FRMPD4: variants seen among roughly 807,000 people sequenced by gnomAD.
FRMPD4 encodes the protein FERM and PDZ domain containing 4.
Under a neutral mutation model 94.1 loss-of-function variants are expected in FRMPD4, and 22 were observed. The observed-to-expected ratio is 0.23, with a 90% CI of 0.17 to 0.33. The LOEUF (loss-of-function observed/expected upper bound fraction) is 0.33, where lower values mean the gene tolerates loss of function less well. Among genes scored for constraint, FRMPD4 ranks in the 10% least tolerant of loss-of-function variants. The pLI is 1.00. For missense variants in FRMPD4, 1,111 were observed against 1,339.9 expected (o/e 0.83, Z 2.67); for synonymous variants, 631 against 548.6 (o/e 1.15, Z -2.10).
intron 1 of FRMPD4, among the ~76,000 whole-genome samples, chrX:12,445,648 C>T: frequency 8.9e-6 from 1 of 112,480 alleles, no homozygotes; most frequent in South Asian, 3.7e-4. Flanking sequence ...TTAAGTAATG[C>T]ATTCACGGTC....
rs973877489 is a variant in FRMPD4 at position 12,578,814 on chromosome X, A to G, written c.159-30907A>G. Among the ~76,000 whole-genome samples, 6 of 112,080 alleles carry G rather than the reference A, an allele frequency of 5.4e-5. 1 individual carries two copies. The highest frequency in any genetic ancestry group is 4.7e-4 in the Admixed American group (5 of 10,546). On this transcript the variant is annotated intron_variant, in intron 2 of 16. Transcript: ENST00000675598. The stretch of plus-strand genomic sequence containing the variant: ...TCCTTGTTGGAGCAATGCTGTCCCT[A>G]TTGAGAATGCATGATATATATATGT...
At chrX:12,310,336 T>C (rs2055012184) in intron 1 of FRMPD4, among the ~76,000 whole-genome samples, 1 of 110,746 alleles carries the variant, frequency 9.0e-6, no homozygotes, top group African/African-American at 3.3e-5. Context: ...TTCACTTCTT[T>C]TGTGGTGGAA....
At chrX:12,038,403 G>A (rs2054731584) in intron 3 of FRMPD4, among the ~76,000 whole-genome samples, 1 of 112,089 alleles carries the variant, frequency 8.9e-6, no homozygotes, top group African/African-American at 3.2e-5. Flanking sequence ...TATTTGAGTT[G>A]TAATCGTTCT....
chrX:12,691,404 T>A (rs2060079600), intron 8 of FRMPD4, among the ~76,000 whole-genome samples: 1 of 110,923 alleles, frequency 9.0e-6, no homozygotes, highest in Admixed American at 9.6e-5. Flanking sequence ...CACCTTAGCC[T>A]CCCAAAGTGC....
intron 2 of FRMPD4, among the ~76,000 whole-genome samples, chrX:12,599,219 A>G (rs1390617745): frequency 2.7e-5 from 3 of 111,425 alleles, no homozygotes; most frequent in Non-Finnish European, 5.6e-5. Context: ...ACAAACTCTC[A>G]GGCCTAAAAT....
intron 1 of FRMPD4, among the ~76,000 whole-genome samples, chrX:12,281,128 G>C (rs1364424015): frequency 8.9e-6 from 1 of 112,145 alleles, no homozygotes; most frequent in African/African-American, 3.2e-5. Flanking sequence ...CTTACTTTCA[G>C]TCGTGAGTGT....
chrX:12,585,127 A>C (rs749757342), intron 2 of FRMPD4, among the ~76,000 whole-genome samples: 1 of 111,183 alleles, frequency 9.0e-6, no homozygotes, highest in African/African-American at 3.3e-5. Context: ...TATATTGACC[A>C]GGCTGATCTC....
chrX:12,621,029 T>C (rs1362188790), intron 4 of FRMPD4, among the ~76,000 whole-genome samples: 1 of 111,207 alleles, frequency 9.0e-6, no homozygotes, highest in East Asian at 2.8e-4. Context: ...GAGATCAGCC[T>C]GGTCAACATG....
intron 3 of FRMPD4, among the ~76,000 whole-genome samples, chrX:12,053,140 C>T (rs1258391887): frequency 9.2e-6 from 1 of 109,095 alleles, no homozygotes; most frequent in Non-Finnish European, 1.9e-5. Context: ...GAGATCGAGA[C>T]CAGCCTGGCC....
intron 3 of FRMPD4, among the ~76,000 whole-genome samples, chrX:12,021,195 T>C (rs1405685073): frequency 8.9e-6 from 1 of 112,056 alleles, no homozygotes; most frequent in Non-Finnish European, 1.9e-5. Flanking sequence ...CTCAAACCTA[T>C]ATAAAAAATA....
chrX:12,681,143 G>C (rs2059967072), intron 5 of FRMPD4, among the ~76,000 whole-genome samples: 1 of 111,886 alleles, frequency 8.9e-6, no homozygotes, highest in Non-Finnish European at 1.9e-5. Context: ...CAATGCTGGA[G>C]AAGTGAGGTG....
intron 2 of FRMPD4, among the ~76,000 whole-genome samples, chrX:12,549,910 C>T (rs1249059570): frequency 3.6e-5 from 4 of 112,021 alleles, no homozygotes; most frequent in African/African-American, 1.3e-4. Context: ...CATTGGACAC[C>T]ATAACAGTTT....
chrX:11,827,723 C>T (rs769181073), intron 1 of FRMPD4, among the ~76,000 whole-genome samples: 13 of 111,825 alleles, frequency 1.2e-4, no homozygotes, highest in Non-Finnish European at 2.1e-4. Context: ...ATATTCTTGC[C>T]ATGAGCAAGG....
chrX:12,073,236 C>T (rs1316027803), intron 3 of FRMPD4, among the ~76,000 whole-genome samples: 1 of 111,310 alleles, frequency 9.0e-6, no homozygotes, highest in Non-Finnish European at 1.9e-5. Flanking sequence ...TGAGAGCTTC[C>T]CTAGGGCCAG....
rs986286148 is a variant in FRMPD4, at chrX:12,094,333, C to T, written c.95+216315C>T. On this transcript the variant is annotated intron_variant, in intron 3 of 18. Coordinates refer to the FRMPD4 transcript ENST00000640291. Reference sequence around the variant, plus strand: ...ACTGGTGGATATTAATATTACCCTTCATCTTACAGAAGAGAAATTGAAGCA... The same window carrying T: ...ACTGGTGGATATTAATATTACCCTTTATCTTACAGAAGAGAAATTGAAGCA... Among the ~76,000 whole-genome samples the T allele has an allele frequency of 8.0e-5, 9 of 112,465 alleles. No homozygotes were observed. In the Middle Eastern group the frequency reaches 0.014, roughly 171 times the overall value.
chrX:12,028,619 C>T (rs1358379064), intron 3 of FRMPD4, among the ~76,000 whole-genome samples: 1 of 111,215 alleles, frequency 9.0e-6, no homozygotes, highest in Non-Finnish European at 1.9e-5. Context: ...CCCTAAAAAT[C>T]CTCTGTGTTC....
At chrX:12,656,261 T>C (rs180743154) in intron 4 of FRMPD4, among the ~76,000 whole-genome samples, 15 of 112,104 alleles carry the variant, frequency 1.3e-4, no homozygotes, top group Admixed American at 1.1e-3. Flanking sequence ...TGTAATAGGA[T>C]TGTCAATGAA....
At chrX:12,059,189 A>T (rs2054871259) in intron 3 of FRMPD4, among the ~76,000 whole-genome samples, 2 of 112,012 alleles carry the variant, frequency 1.8e-5, no homozygotes, top group African/African-American at 6.5e-5. Context: ...TAAATAAAAA[A>T]TGTATCTAAT....
rs1474761731 is a variant in FRMPD4 at position 12,341,626 on chromosome X, G to A, written c.42-157054G>A. 3 of 328,211 alleles carry A rather than the reference G, an allele frequency of 9.1e-6. No individual in the cohort carries two copies. The Admixed American group carries it at 9.4e-5, about 10-fold the overall frequency. 27.0% of individuals were successfully genotyped at this position (328,211 alleles called of 1,213,427 possible). On this transcript the variant is annotated intron_variant, in intron 1 of 16. Transcript: ENST00000675598. ...GCACAGAGCAGTTCAGTGGCATGAG[G>A]TCACACAGCTGGTAAGTGACAGATC...
Sources: gnomAD v4.1 joint callset for allele counts (sites outside exome capture counted in the v4.1 genomes callset) on GRCh38, gnomAD v4.1.1 for gene constraint, MANE v1.5 for transcripts, NCBI Gene and HGNC (gene_info 2026-07-23, HGNC 2026-07-21) for gene names.